The following ICE1 variants were observed in gnomAD, a reference collection of about 807,000 sequenced individuals.
ICE1 encodes the protein little elongation complex subunit 1.
ICE1 carries 64 observed loss-of-function variants against 192.7 expected under a neutral mutation model. The observed-to-expected ratio is 0.33, with a 90% CI of 0.27 to 0.41. The LOEUF is 0.41. Ranked by LOEUF, ICE1 falls within the 10% of genes least tolerant of loss-of-function variation. The pLI is 1.00. For missense variants in ICE1, 2,708 were observed against 2,696.0 expected (o/e 1.00, Z -0.10); for synonymous variants, 1,010 against 984.5 (o/e 1.03, Z -0.49).
chr5:5,464,858 C>T lies in ICE1; in HGVS notation c.5524C>T (p.Leu1842=), dbSNP rs571516425. Reference sequence around the variant, plus strand: ...GAAAAGAACACTGTCAACGTCTACACTGAGAAGTGCTAAAAGACTGCGCCT... The same window carrying T: ...GAAAAGAACACTGTCAACGTCTACATTGAGAAGTGCTAAAAGACTGCGCCT... ...SGKRTLSTST[L]RSAKRLRLDT... The change falls in exon 13 of 19, where the codon CTG becomes TTG. Residue 1842 remains leucine, a synonymous_variant. Coordinates refer to ENST00000296564, the MANE Select transcript of ICE1 (RefSeq NM_015325.3). The surrounding 1 kb of genome is among the most constrained non-coding windows in gnomAD (Gnocchi z 4.0). 1.9e-5 allele frequency: 30 copies of T among 1,613,232 alleles called. No individual in the cohort carries two copies. In the East Asian group the frequency reaches 3.8e-4, roughly 20 times the overall value.
chr5:5,465,790 T>G (rs1187585343), intron 13 of ICE1, among the ~76,000 whole-genome samples: 1 of 152,214 alleles, frequency 6.6e-6, no homozygotes, highest in Non-Finnish European at 1.5e-5. Context: ...AATATTTATT[T>G]TTTTAGATTG....
chr5:5,447,807 T>C, intron 9 of ICE1, 34 bp from the exon 10 acceptor site: 2 of 1,570,638 alleles, frequency 1.3e-6, no homozygotes, highest in South Asian at 2.3e-5. Flanking sequence ...TGATATGTAG[T>C]ATTTTATTAA....
At position 5,462,656 on chromosome 5, in the gene ICE1, G is replaced by A. The variant is rs1579565125; in HGVS notation, c.3322G>A (p.Glu1108Lys). The A allele has an allele frequency of 6.2e-7, 1 of 1,613,874 alleles. No individual in the cohort carries two copies. Among genetic ancestry groups the A allele is most frequent in the Non-Finnish European group, 8.5e-7 (1 of 1,179,894 alleles). Reference sequence around the variant, plus strand: ...CATTCGAGAGGGGGGAGACGACACTGAGGTAGAGAGTGAGGCATTTAGCTG... The same window carrying A: ...CATTCGAGAGGGGGGAGACGACACTAAGGTAGAGAGTGAGGCATTTAGCTG... ...TGIREGGDDT[E>K]VESEAFSCSE... The change falls in exon 13 of 19, where the codon GAG becomes AAG. Residue 1108 changes from glutamate (E) to lysine (K), a missense_variant. Glu to Lys is a moderately conservative substitution (Grantham distance 56). Coordinates refer to ENST00000296564, the MANE Select transcript of ICE1 (RefSeq NM_015325.3).
At chr5:5,452,219 T>C (rs1738443712) in intron 10 of ICE1, among the ~76,000 whole-genome samples, 2 of 144,946 alleles carry the variant, frequency 1.4e-5, no homozygotes, top group South Asian at 4.3e-4. Context: ...ACAGAATAAA[T>C]GCAGAAGAGT....
At chr5:5,431,508 G>A (rs764952871) in intron 1 of ICE1, among the ~76,000 whole-genome samples, 4 of 152,178 alleles carry the variant, frequency 2.6e-5, no homozygotes, top group South Asian at 4.1e-4. Flanking sequence ...AAGTAAGTTT[G>A]TAGAGACTTT....
At chr5:5,438,363 A>G (rs1195268591) in intron 3 of ICE1, among the ~76,000 whole-genome samples, 1 of 152,200 alleles carries the variant, frequency 6.6e-6, no homozygotes, top group African/African-American at 2.4e-5. Context: ...CCATATCATC[A>G]TTTCTAATTT....
Position 5,461,295 on chromosome 5 carries a change from G to A in ICE1, c.1961G>A (p.Gly654Asp), listed in dbSNP as rs1738768959. ...CAGTCTTCTTCTGGGTTAGACTGTG[G>A]TAATGATACAGATATTACTACTAAA... Reference protein sequence around the residue: ...NPQSSSGLDCGNDTDITTKVF... With the variant: ...NPQSSSGLDCDNDTDITTKVF... The change falls in exon 13 of 19, where the codon GGT becomes GAT. Residue 654 changes from glycine to aspartate, a missense_variant. Physicochemically the swap from Gly to Asp is moderately conservative, Grantham distance 94. Around this residue, in one of 2 missense-constraint regions of ICE1, gnomAD observed 2,366 missense variants for 2,276.6 expected, o/e 1.04. Transcript: ENST00000296564. 3 of 1,613,724 alleles carry A rather than the reference G, an allele frequency of 1.9e-6. No homozygotes were observed. Among genetic ancestry groups the A allele is most frequent in the Non-Finnish European group, 2.5e-6 (3 of 1,179,842 alleles).
chr5:5,487,445 A>G (rs1356408143), intron 18 of ICE1, among the ~76,000 whole-genome samples: 1 of 152,224 alleles, frequency 6.6e-6, no homozygotes, highest in Non-Finnish European at 1.5e-5. Flanking sequence ...GCCATCAGAA[A>G]TGCACAGAGT....
At chr5:5,435,123 T>C (rs1181278241) in intron 1 of ICE1, among the ~76,000 whole-genome samples, 2 of 152,158 alleles carry the variant, frequency 1.3e-5, no homozygotes, top group African/African-American at 4.8e-5. Flanking sequence ...GACCTAAACC[T>C]CCCTCAACAA....
chr5:5,426,438 A>C (rs1210800460), intron 1 of ICE1, among the ~76,000 whole-genome samples: 1 of 143,986 alleles, frequency 6.9e-6, no homozygotes, highest in African/African-American at 2.7e-5. Flanking sequence ...ACAGAGCAAG[A>C]CTCCGTCTCA....
intron 5 of ICE1, 52 bp from the exon 6 acceptor site, chr5:5,443,116 A>G: frequency 2.9e-6 from 3 of 1,037,668 alleles, no homozygotes; most frequent in Middle Eastern, 2.1e-4. Flanking sequence ...GTTATGACCA[A>G]TGGTCAGTGA....
rs1309499632 is a variant in ICE1 at position 5,434,900 on chromosome 5, CG to C, written c.85-1517del. Among the ~76,000 whole-genome samples, 7 of 152,234 alleles carry C rather than the reference CG, an allele frequency of 4.6e-5. No individual in the cohort carries two copies. In the East Asian group the frequency reaches 1.2e-3, roughly 25 times the overall value. The stretch of plus-strand genomic sequence containing the variant: ...TTCCTGATATGAAAAAGGTGGAATA[CG>C]TTTTTTAAAAAATGTCTATTGACTA... On this transcript the variant is annotated intron_variant, in intron 1 of 18. Coordinates refer to ENST00000296564, the MANE Select transcript of ICE1 (RefSeq NM_015325.3).
chr5:5,462,570 A>G lies in ICE1; in HGVS notation c.3236A>G (p.His1079Arg). Residue 1079 changes from histidine to arginine, a missense_variant, in exon 13 of 19, where the codon CAT becomes CGT. By Grantham distance (29) the His-to-Arg change is conservative. Around this residue, in one of 2 missense-constraint regions of ICE1, gnomAD observed 2,366 missense variants for 2,276.6 expected, o/e 1.04. Transcript: ENST00000296564. ...TTTTCTTCAGCATTTTGCAGAAAACATGGAGAGACACAGGATACCTCCCAA... is the reference window on the plus strand; with the variant it reads ...TTTTCTTCAGCATTTTGCAGAAAACGTGGAGAGACACAGGATACCTCCCAA... Reference protein sequence around the residue: ...TTFSSAFCRKHGETQDTSQSS... With the variant: ...TTFSSAFCRKRGETQDTSQSS... The G allele has an allele frequency of 6.2e-7, 1 of 1,614,002 alleles. No individual in the cohort carries two copies. The highest frequency in any genetic ancestry group is 8.5e-7 in the Non-Finnish European group (1 of 1,179,896).
intron 15 of ICE1, among the ~76,000 whole-genome samples, chr5:5,469,905 A>T (rs1579572618): frequency 6.6e-6 from 1 of 151,662 alleles, no homozygotes; most frequent in Admixed American, 6.6e-5. Flanking sequence ...AGACATCCTG[A>T]CTCCTACTAA....
rs778513566 is a variant in ICE1, at chr5:5,441,077, C to T, written c.198-35C>T. 4.5e-5 allele frequency: 57 copies of T among 1,257,014 alleles called. No individual in the cohort carries two copies. In the African/African-American group the frequency reaches 6.4e-4, roughly 14 times the overall value. The allele number at this position is 1,257,014 out of a possible 1,614,324, so 77.9% of individuals were successfully genotyped here. A position where few individuals can be genotyped will look rare whatever the true frequency, so the allele number is the denominator to read the frequency against. ...ATATATTTAATACTTCGTTATAGAT[C>T]CTTTTCTGTAATAATGTTAATTCAT... On this transcript the variant is annotated intron_variant, in intron 4 of 18. Coordinates refer to ENST00000296564, the MANE Select transcript of ICE1 (RefSeq NM_015325.3).
At chr5:5,426,812 A>G (rs1201137662) in intron 1 of ICE1, among the ~76,000 whole-genome samples, 3 of 152,254 alleles carry the variant, frequency 2.0e-5, no homozygotes, top group Middle Eastern at 3.2e-3. Context: ...TTTCGCATGT[A>G]TTATAACTAC....
At chr5:5,466,541 C>A in intron 14 of ICE1, 39 bp downstream of exon 14, 1 of 1,530,620 alleles carries the variant, frequency 6.5e-7, no homozygotes, top group Non-Finnish European at 8.9e-7. Context: ...TGAAAATATA[C>A]GATTGCCTTT....
chr5:5,461,996 G>A lies in ICE1; in HGVS notation c.2662G>A (p.Val888Ile), dbSNP rs1738803215. 2 of 1,613,976 alleles carry A rather than the reference G, an allele frequency of 1.2e-6. No individual in the cohort carries two copies. The highest frequency in any genetic ancestry group is 1.7e-6 in the Non-Finnish European group (2 of 1,179,906). The part of the protein sequence containing the change: ...LRPHRVEPTL[V>I]TENSGNKTGM... Reference sequence around the variant, plus strand: ...GCCACATAGGGTTGAGCCTACCTTAGTAACAGAAAATAGTGGCAACAAAAC... The same window carrying A: ...GCCACATAGGGTTGAGCCTACCTTAATAACAGAAAATAGTGGCAACAAAAC... Residue 888 changes from valine (V) to isoleucine (I), a missense_variant, in exon 13 of 19, where the codon GTA becomes ATA. By Grantham distance (29) the Val-to-Ile change is conservative. Around this residue, in one of 2 missense-constraint regions of ICE1, gnomAD observed 2,366 missense variants for 2,276.6 expected, o/e 1.04. Transcript: ENST00000296564.
chr5:5,439,251 A>G (rs1282754009), intron 3 of ICE1, among the ~76,000 whole-genome samples: 1 of 152,152 alleles, frequency 6.6e-6, no homozygotes, highest in Non-Finnish European at 1.5e-5. Context: ...ACCTTCAGAA[A>G]CTTACATTCT....
Sources: gnomAD v4.1 joint callset for allele counts (sites outside exome capture counted in the v4.1 genomes callset) on GRCh38, gnomAD v4.1.1 for gene constraint, gnomAD v4.1.1 regional missense constraint, Gnocchi (gnomAD v3.1) non-coding constraint, MANE v1.5 for transcripts, NCBI Gene and HGNC (gene_info 2026-07-23, HGNC 2026-07-21) for gene names.